Variants in GRIK1 observed in about 807,000 individuals in gnomAD.
GRIK1 encodes glutamate ionotropic receptor kainate type subunit 1.
In GRIK1, 69 loss-of-function variants were observed where a neutral mutation model predicts 105.7. That is an observed-to-expected ratio of 0.65 (90% confidence interval 0.54 to 0.80). The LOEUF is 0.80. Ranked by LOEUF, GRIK1 falls within the 30% of genes least tolerant of loss-of-function variation. GRIK1 has a pLI of 0.00. For missense variants in GRIK1, 1,109 were observed against 1,167.3 expected (o/e 0.95, Z 0.73); for synonymous variants, 438 against 431.3 (o/e 1.02, Z -0.19).
At chr21:29,834,121 A>G (rs1031721440) in intron 1 of GRIK1, among the ~76,000 whole-genome samples, 5 of 152,044 alleles carry the variant, frequency 3.3e-5, no homozygotes, top group Non-Finnish European at 5.9e-5. Flanking sequence ...AAAGAGAGAT[A>G]CATTAGGGAA....
chr21:29,900,459 C>CAAAAAAAAAAAAAAAAAAAAAAAAAAA (rs746842761), intron 1 of GRIK1, among the ~76,000 whole-genome samples: 10 of 78,302 alleles, frequency 1.3e-4, no homozygotes, highest in South Asian at 4.5e-4. Flanking sequence ...AAATGGAAAG[C>CAAAAAAAAAAAAAAAAAAAAAAAAAAA]AAGAAAAAAA....
chr21:29,817,336 G>T (rs989577023), intron 1 of GRIK1, among the ~76,000 whole-genome samples: 1 of 152,040 alleles, frequency 6.6e-6, no homozygotes, highest in Admixed American at 6.6e-5. Flanking sequence ...TTAAAGTACA[G>T]CGTCTTTTAA....
chr21:29,591,227 T>G lies in GRIK1; in HGVS notation c.1252-2A>C. On this transcript the variant is annotated splice_acceptor_variant, in intron 9 of 17. Transcript: ENST00000327783. LOFTEE classifies it high-confidence loss of function. ...ACTGTTGGAATTCCAAATCCCAATCTACACAGAACACAGTACATCAGAGGC... is the reference window on the plus strand; with the variant it reads ...ACTGTTGGAATTCCAAATCCCAATCGACACAGAACACAGTACATCAGAGGC... 1 of 1,533,892 alleles carries G rather than the reference T, an allele frequency of 6.5e-7. No individual in the cohort carries two copies. The highest frequency in any genetic ancestry group is 9.0e-7 in the Non-Finnish European group (1 of 1,106,942).
chr21:29,712,004 T>C (rs975414997), intron 1 of GRIK1, among the ~76,000 whole-genome samples: 3 of 151,676 alleles, frequency 2.0e-5, no homozygotes, highest in Non-Finnish European at 2.9e-5. Flanking sequence ...TTGGGTGTAT[T>C]TTCTTCCAAT....
chr21:29,937,755 T>C (rs2071815724), intron 1 of GRIK1, among the ~76,000 whole-genome samples: 2 of 151,870 alleles, frequency 1.3e-5, no homozygotes, highest in South Asian at 4.2e-4. Context: ...TATTGGAAAT[T>C]ATAACACACA....
At chr21:29,565,252 G>A (rs183995418) in intron 14 of GRIK1, among the ~76,000 whole-genome samples, 11 of 152,292 alleles carry the variant, frequency 7.2e-5, no homozygotes, top group Non-Finnish European at 1.5e-4. Flanking sequence ...GCTCTCTTTC[G>A]TCGTTTAAAA....
chr21:29,805,654 T>C (rs2066843554), intron 1 of GRIK1, among the ~76,000 whole-genome samples: 1 of 152,132 alleles, frequency 6.6e-6, no homozygotes, highest in South Asian at 2.1e-4. Context: ...TTGCTTATTG[T>C]GTGTTGGTTA....
At chr21:29,821,481 T>C (rs2067305676) in intron 1 of GRIK1, among the ~76,000 whole-genome samples, 1 of 152,036 alleles carries the variant, frequency 6.6e-6, no homozygotes, top group African/African-American at 2.4e-5. Context: ...AGTATTGCAC[T>C]AAACAGGATG....
At chr21:29,772,626 C>G (rs1216699409) in intron 1 of GRIK1, among the ~76,000 whole-genome samples, 1 of 152,080 alleles carries the variant, frequency 6.6e-6, no homozygotes, top group Non-Finnish European at 1.5e-5. Flanking sequence ...AATTGCAGTT[C>G]TAAAATTTTC....
chr21:29,773,864 C>G (rs1201010635), intron 1 of GRIK1, among the ~76,000 whole-genome samples: 5 of 152,178 alleles, frequency 3.3e-5, no homozygotes, highest in Admixed American at 3.3e-4. Flanking sequence ...AAACTACATT[C>G]ATTCAACTTA....
intron 8 of GRIK1, 140 bp from the exon 9 acceptor site, chr21:29,596,710 T>C (rs1431078937): frequency 9.8e-6 from 7 of 715,614 alleles, no homozygotes; most frequent in Middle Eastern, 3.4e-4. Flanking sequence ...CTTAATTCAA[T>C]ATAAAGCCTG....
chr21:29,784,235 AC>A (rs1487390432), intron 1 of GRIK1, among the ~76,000 whole-genome samples: 2 of 152,186 alleles, frequency 1.3e-5, no homozygotes, highest in Non-Finnish European at 2.9e-5. Context: ...GTTTTCCTAA[AC>A]TTTTGCTGTT....
Position 29,935,338 on chromosome 21 carries a change from C to T in GRIK1, c.118+4045G>A, listed in dbSNP as rs199645476. ...GAATGCAAACCTCAAGGGGCAGATG[C>T]TGTCCATTTTATTCACTGTTGTACA... On this transcript the variant is annotated intron_variant, in intron 1 of 17. Transcript: ENST00000327783. Among the ~76,000 whole-genome samples the T allele has an allele frequency of 2.0e-5, 3 of 152,324 alleles. No individual in the cohort carries two copies. The East Asian group carries it at 5.8e-4, about 29-fold the overall frequency.
rs1474527866 is a variant in GRIK1 at position 29,776,189 on chromosome 21, G to T, written c.119-82126C>A. Among the ~76,000 whole-genome samples the T allele has an allele frequency of 2.6e-5, 4 of 152,314 alleles. No homozygotes were observed. The East Asian group carries it at 7.7e-4, about 29-fold the overall frequency. On this transcript the variant is annotated intron_variant, in intron 1 of 17. Transcript: ENST00000327783. The stretch of plus-strand genomic sequence containing the variant: ...CCACGAGGTCCCTCCCTCCACACAT[G>T]GGATTATGAGGATTATGGGGATTGC...
At chr21:29,823,916 T>C (rs1206210488) in intron 1 of GRIK1, among the ~76,000 whole-genome samples, 2 of 151,906 alleles carry the variant, frequency 1.3e-5, no homozygotes, top group Non-Finnish European at 2.9e-5. Context: ...TGGAATAAAG[T>C]AGTATTTTTA....
intron 1 of GRIK1, among the ~76,000 whole-genome samples, chr21:29,850,475 G>A (rs1191287382): frequency 6.6e-6 from 1 of 152,026 alleles, no homozygotes; most frequent in Non-Finnish European, 1.5e-5. Flanking sequence ...CCCAATCTCA[G>A]ATATCCTCTC....
At chr21:29,898,882 G>T (rs946901771) in intron 1 of GRIK1, among the ~76,000 whole-genome samples, 3 of 151,962 alleles carry the variant, frequency 2.0e-5, no homozygotes, top group African/African-American at 7.3e-5. Context: ...TAAGGCAGGA[G>T]AATCGCTTGA....
chr21:29,700,874 A>C (rs1159091742), intron 1 of GRIK1, among the ~76,000 whole-genome samples: 5 of 152,220 alleles, frequency 3.3e-5, no homozygotes, highest in East Asian at 1.9e-4. Context: ...CAGAGAATCC[A>C]TCTCATTTAA....
chr21:29,855,039 G>C (rs112288531), intron 1 of GRIK1, among the ~76,000 whole-genome samples: 2 of 152,162 alleles, frequency 1.3e-5, no homozygotes, highest in Non-Finnish European at 2.9e-5. Flanking sequence ...GCAAACCAGG[G>C]CATGAGCTGT....
Sources: gnomAD v4.1 joint callset for allele counts (sites outside exome capture counted in the v4.1 genomes callset) on GRCh38, gnomAD v4.1.1 for gene constraint, MANE v1.5 for transcripts, NCBI Gene and HGNC (gene_info 2026-07-23, HGNC 2026-07-21) for gene names.